FAM184B: variants seen among roughly 807,000 people sequenced by gnomAD.
The protein encoded by FAM184B is family with sequence similarity 184 member B.
FAM184B carries 111 observed loss-of-function variants against 135.9 expected under a neutral mutation model. The ratio of observed to expected loss-of-function variants is 0.82; its 90% CI spans 0.70 to 0.96. The LOEUF (loss-of-function observed/expected upper bound fraction) is 0.96. FAM184B is among the 40% of genes least tolerant of loss of function. The pLI is 0.00. For missense variants in FAM184B, 1,375 were observed against 1,323.9 expected (o/e 1.04, Z -0.60); for synonymous variants, 552 against 524.8 (o/e 1.05, Z -0.71).
intron 1 of FAM184B, among the ~76,000 whole-genome samples, chr4:17,740,351 CAAAAAAAA>C (rs55801096): frequency 2.2e-4 from 19 of 84,516 alleles, no homozygotes; most frequent in African/African-American, 9.1e-4. Flanking sequence ...GACCCTGTCT[CAAAAAAAA>C]AAAAAAAAAA....
intron 1 of FAM184B, among the ~76,000 whole-genome samples, chr4:17,742,168 A>ATATATATTTT (rs1459958150): frequency 3.7e-5 from 4 of 109,306 alleles, no homozygotes; most frequent in African/African-American, 1.9e-4. Flanking sequence ...ATATATATAT[A>ATATATATTTT]TTTTTTTTTT....
intron 6 of FAM184B, among the ~76,000 whole-genome samples, chr4:17,689,712 G>T (rs971990341): frequency 1.3e-5 from 2 of 151,936 alleles, no homozygotes; most frequent in African/African-American, 4.8e-5. Context: ...CAAACTCCTA[G>T]GCTCAAGAGA....
At chr4:17,729,820 C>T (rs1717733002) in intron 1 of FAM184B, among the ~76,000 whole-genome samples, 1 of 152,204 alleles carries the variant, frequency 6.6e-6, no homozygotes, top group Non-Finnish European at 1.5e-5. Flanking sequence ...GGGGAAAAAA[C>T]AGAGCAGAAA....
intron 8 of FAM184B, among the ~76,000 whole-genome samples, chr4:17,662,583 C>T (rs978728877): frequency 2.6e-5 from 4 of 152,168 alleles, no homozygotes; most frequent in African/African-American, 7.2e-5. Context: ...GGTGATCCAC[C>T]GGCCTCGGCC....
rs1444721127 is a variant in FAM184B at position 17,747,875 on chromosome 4, T to C, written c.141+33284A>G. On this transcript the variant is annotated intron_variant, in intron 1 of 17. Transcript: ENST00000265018. ...GGCGGAGCTTGCAGTGAGCCGAGAT[T>C]GCGCCACTGCACTCCAGCCTGGGCG... Among the ~76,000 whole-genome samples, 71 of 122,202 alleles carry C rather than the reference T, an allele frequency of 5.8e-4. 1 individual carries two copies. Among genetic ancestry groups the C allele is most frequent in the Non-Finnish European group, 9.3e-4 (57 of 61,578 alleles). 80.2% of individuals were successfully genotyped at this position (122,202 alleles called of 152,430 possible). A position where few individuals can be genotyped will look rare whatever the true frequency, so the allele number is the denominator to read the frequency against.
At chr4:17,689,680 G>T (rs370607552) in intron 6 of FAM184B, among the ~76,000 whole-genome samples, 9 of 151,986 alleles carry the variant, frequency 5.9e-5, no homozygotes, top group African/African-American at 2.2e-4. Context: ...ATGGGATCTT[G>T]CTATGTTGCC....
intron 1 of FAM184B, among the ~76,000 whole-genome samples, chr4:17,775,352 A>C (rs1718905610): frequency 6.6e-6 from 1 of 151,776 alleles, no homozygotes. Flanking sequence ...CACCCAGCTA[A>C]TTTTTTGTAT....
At chr4:17,644,805 C>G (rs1715425520) in intron 12 of FAM184B, among the ~76,000 whole-genome samples, 1 of 152,208 alleles carries the variant, frequency 6.6e-6, no homozygotes, top group South Asian at 2.1e-4. Context: ...TCCCTGTTTG[C>G]AGACGACATG....
chr4:17,636,642 C>G lies in FAM184B; in HGVS notation c.2670G>C (p.Leu890=). Residue 890 remains leucine, a synonymous_variant, in exon 15 of 18, where the codon CTG becomes CTC. Coordinates refer to ENST00000265018, the MANE Select transcript of FAM184B (RefSeq NM_015688.2). The part of the protein sequence containing the change: ...QARLAALEAE[L]KDSGEKPGKG... ...TCCCTGGCTTCTCTCCGGAATCTTT[C>G]AGTCTGTTCCAAGCAGGCATGCAGT... 2 of 1,547,812 alleles carry G rather than the reference C, an allele frequency of 1.3e-6. No homozygotes were observed. Among genetic ancestry groups the G allele is most frequent in the South Asian group, 2.4e-5 (2 of 83,776 alleles).
At chr4:17,765,347 C>CTTG (rs1718641310) in intron 1 of FAM184B, among the ~76,000 whole-genome samples, 1 of 152,006 alleles carries the variant, frequency 6.6e-6, no homozygotes, top group African/African-American at 2.4e-5. Context: ...AGGAATCTAC[C>CTTG]TCAAGGAAAC....
chr4:17,772,987 G>A (rs551217025), intron 1 of FAM184B, among the ~76,000 whole-genome samples: 1 of 152,280 alleles, frequency 6.6e-6, no homozygotes, highest in African/African-American at 2.4e-5. Flanking sequence ...CCCCTTTGCA[G>A]TGGAAAAAAT....
rs1390198687 is a variant in FAM184B, at chr4:17,641,998, GGGGTGGCGGGGTAGGGGGTGA to G, written c.2519+37_2519+57del. The G allele has an allele frequency of 4.9e-5, 73 of 1,475,232 alleles. 2 individuals carry two copies. In the African/African-American group the frequency reaches 7.7e-4, roughly 16 times the overall value. 91.4% of individuals were successfully genotyped at this position (1,475,232 alleles called of 1,614,324 possible). A position where few individuals can be genotyped will look rare whatever the true frequency, so the allele number is the denominator to read the frequency against. ...TCAGCCAGCCGCAGTAGGGGGAGGGGGGGTGGCGGGGTAGGGGGTGAGGGTGGCGCGGTGGCGGGGCGCGCC... is the reference window on the plus strand; with the variant it reads ...TCAGCCAGCCGCAGTAGGGGGAGGGGGGGTGGCGCGGTGGCGGGGCGCGCC... On this transcript the variant is annotated intron_variant, in intron 13 of 17. Transcript: ENST00000265018.
intron 10 of FAM184B, among the ~76,000 whole-genome samples, chr4:17,657,950 C>G (rs1202573755): frequency 6.6e-6 from 1 of 152,192 alleles, no homozygotes; most frequent in African/African-American, 2.4e-5. Context: ...AGCCACTGCA[C>G]CCGGCCTGAG....
At chr4:17,692,155 G>A (rs1716751654) in intron 6 of FAM184B, among the ~76,000 whole-genome samples, 1 of 152,148 alleles carries the variant, frequency 6.6e-6, no homozygotes, top group African/African-American at 2.4e-5. Context: ...GACTGGCAGT[G>A]TATCTTCAAC....
At chr4:17,709,665 C>A in intron 1 of FAM184B, 21 bp from the exon 2 acceptor site, 1 of 1,475,730 alleles carries the variant, frequency 6.8e-7, no homozygotes, top group Non-Finnish European at 9.0e-7. Flanking sequence ...ATCAACAGAG[C>A]CCAGTTAGGG....
intron 1 of FAM184B, among the ~76,000 whole-genome samples, chr4:17,728,872 T>C (rs1311503767): frequency 6.6e-6 from 1 of 152,168 alleles, no homozygotes; most frequent in Non-Finnish European, 1.5e-5. Context: ...ACCGGGTTCA[T>C]CTCACTAGGG....
chr4:17,722,470 A>G (rs1209546192), intron 1 of FAM184B, among the ~76,000 whole-genome samples: 1 of 152,354 alleles, frequency 6.6e-6, no homozygotes, highest in Middle Eastern at 3.4e-3. Context: ...CAAAACGCTA[A>G]TTAAAATCTC....
At chr4:17,760,638 A>G (rs1718525095) in intron 1 of FAM184B, among the ~76,000 whole-genome samples, 1 of 152,178 alleles carries the variant, frequency 6.6e-6, no homozygotes, top group Non-Finnish European at 1.5e-5. Flanking sequence ...CAGCCTATCC[A>G]TAAGACATTC....
intron 11 of FAM184B, among the ~76,000 whole-genome samples, chr4:17,650,713 A>G (rs1361564831): frequency 1.3e-5 from 2 of 152,154 alleles, no homozygotes; most frequent in African/African-American, 2.4e-5. Context: ...CCTCCATTCC[A>G]GGGTAGCTGC....
Sources: gnomAD v4.1 joint callset for allele counts (sites outside exome capture counted in the v4.1 genomes callset) on GRCh38, gnomAD v4.1.1 for gene constraint, MANE v1.5 for transcripts, NCBI Gene and HGNC (gene_info 2026-07-23, HGNC 2026-07-21) for gene names.